Variants in PPFIA2 observed in about 807,000 individuals in gnomAD.
PPFIA2 encodes the protein liprin-alpha-2.
PPFIA2 carries 46 observed loss-of-function variants against 175.5 expected under a neutral mutation model. The ratio of observed to expected loss-of-function variants is 0.26; its 90% confidence interval spans 0.21 to 0.34. PPFIA2 has a LOEUF of 0.34. Ranked by LOEUF, PPFIA2 falls within the 10% of genes least tolerant of loss-of-function variation. PPFIA2 has a pLI of 1.00. For missense variants in PPFIA2, 1,179 were observed against 1,506.1 expected, an observed-to-expected ratio of 0.78 and a Z score of 3.60; for synonymous variants, 568 against 511.4, an observed-to-expected ratio of 1.11 and a Z score of -1.49.
chr12:81,608,427 G>C (rs2060554270), intron 4 of PPFIA2, among the ~76,000 whole-genome samples: 1 of 151,928 alleles, frequency 6.6e-6, no homozygotes, highest in African/African-American at 2.4e-5. Flanking sequence ...CTGGTCCAGG[G>C]CTTTTTTGAT....
At position 81,478,543 on chromosome 12, in the gene PPFIA2, T is replaced by G. The variant is rs191905742; in HGVS notation, c.304-20677A>C. 6.6e-5 allele frequency among the ~76,000 whole-genome samples: 10 copies of G among 152,338 alleles called. No homozygotes were observed. In the East Asian group the frequency reaches 1.4e-3, roughly 21 times the overall value. ...ATTTTAGATCTTTCCTGCTTTCTCC[T>G]GTGGACATTTAATGCTATAAATTTC... On this transcript the variant is annotated intron_variant, in intron 4 of 32. Coordinates refer to ENST00000549396, the MANE Select transcript of PPFIA2 (RefSeq NM_003625.5).
At position 81,281,238 on chromosome 12, in the gene PPFIA2, AAAAAG is replaced by A; in HGVS notation, c.3212+14_3212+18del. On this transcript the variant is annotated intron_variant, in intron 27 of 32. Transcript: ENST00000549396. ...TCATTTTAATTATTCTTTGGGGAAA[AAAAAG>A]AAAAAACACCTACCGATGGAAACTA... 1 of 1,517,688 alleles carries A rather than the reference AAAAAG, an allele frequency of 6.6e-7. No homozygotes were observed. The highest frequency in any genetic ancestry group is 8.9e-7 in the Non-Finnish European group (1 of 1,127,272). 94.0% of individuals were successfully genotyped at this position (1,517,688 alleles called of 1,614,324 possible). A position where few individuals can be genotyped will look rare whatever the true frequency, so the allele number is the denominator to read the frequency against.
chr12:81,385,597 A>C (rs1458187959), intron 8 of PPFIA2, among the ~76,000 whole-genome samples: 1 of 152,146 alleles, frequency 6.6e-6, no homozygotes, highest in Admixed American at 6.6e-5. Flanking sequence ...TAAGTGAAAT[A>C]AGCCAGGCAC....
chr12:81,720,100 T>C (rs1323419001), intron 3 of PPFIA2, among the ~76,000 whole-genome samples: 1 of 151,494 alleles, frequency 6.6e-6, no homozygotes. Flanking sequence ...AGAGGTCAAG[T>C]GTAAATTCTT....
intron 4 of PPFIA2, among the ~76,000 whole-genome samples, chr12:81,642,766 A>ATGTATATATTATATACATACG (rs2065385166): frequency 2.4e-4 from 1 of 4,182 alleles, no homozygotes; most frequent in African/African-American, 8.7e-4. Flanking sequence ...ATACATGTAT[A>ATGTATATATTATATACATACG]TGTATGTATG....
At chr12:81,694,594 T>G (rs2153592795) in intron 3 of PPFIA2, among the ~76,000 whole-genome samples, 1 of 152,198 alleles carries the variant, frequency 6.6e-6, no homozygotes, top group East Asian at 1.9e-4. Flanking sequence ...AAAAGCCTGC[T>G]GCAGGGGCAG....
chr12:81,450,075 T>A (rs112717362), intron 5 of PPFIA2, among the ~76,000 whole-genome samples: 23,265 of 152,076 alleles, frequency 0.15, 2,610 homozygotes, highest in East Asian at 0.41. Flanking sequence ...GTCTTTGGTA[T>A]TGTGAATAGT....
chr12:81,531,946 A>G (rs1018042792), intron 4 of PPFIA2, among the ~76,000 whole-genome samples: 1 of 151,860 alleles, frequency 6.6e-6, no homozygotes, highest in Non-Finnish European at 1.5e-5. Context: ...TTAATTTGAT[A>G]TTAATTAGAA....
intron 4 of PPFIA2, chr12:81,465,117 ATC>A (rs1273260338): frequency 6.6e-6 from 1 of 152,138 alleles, no homozygotes; most frequent in East Asian, 1.9e-4. Context: ...CTCCAGAGAA[ATC>A]TCTGACAATG....
chr12:81,489,762 T>C (rs555165190), intron 4 of PPFIA2, among the ~76,000 whole-genome samples: 1 of 152,034 alleles, frequency 6.6e-6, no homozygotes, highest in South Asian at 2.1e-4. Flanking sequence ...ATTTGTTATT[T>C]GAAATGTGTC....
At chr12:81,364,356 T>C (rs538491880) in intron 14 of PPFIA2, among the ~76,000 whole-genome samples, 1 of 151,836 alleles carries the variant, frequency 6.6e-6, no homozygotes, top group South Asian at 2.1e-4. Flanking sequence ...TAGGCAACAA[T>C]TGAAGGATTT....
At chr12:81,705,382 G>A (rs1256182597) in intron 3 of PPFIA2, among the ~76,000 whole-genome samples, 1 of 150,532 alleles carries the variant, frequency 6.6e-6, no homozygotes, top group African/African-American at 2.4e-5. Flanking sequence ...CATGAACCTG[G>A]GAGGCGGAGC....
At chr12:81,507,555 CT>C (rs2061314585) in intron 4 of PPFIA2, among the ~76,000 whole-genome samples, 1 of 152,144 alleles carries the variant, frequency 6.6e-6, no homozygotes, top group African/African-American at 2.4e-5. Flanking sequence ...ATTAGCTCCT[CT>C]CTTTTATTTT....
At chr12:81,301,270 G>A (rs180777526) in intron 22 of PPFIA2, among the ~76,000 whole-genome samples, 4 of 152,038 alleles carry the variant, frequency 2.6e-5, no homozygotes, top group African/African-American at 9.7e-5. Context: ...GAGTTTTAAT[G>A]TTACATCCAA....
intron 7 of PPFIA2, among the ~76,000 whole-genome samples, chr12:81,410,817 A>G (rs1471109874): frequency 1.3e-5 from 2 of 152,148 alleles, no homozygotes; most frequent in Non-Finnish European, 2.9e-5. Flanking sequence ...CTCTCTATCT[A>G]CTAAGGAAGG....
At chr12:81,293,310 T>C (rs1594091887) in intron 24 of PPFIA2, among the ~76,000 whole-genome samples, 1 of 152,036 alleles carries the variant, frequency 6.6e-6, no homozygotes, top group East Asian at 1.9e-4. Flanking sequence ...CATGCATGCC[T>C]TTTTTGTCAC....
chr12:81,747,821 T>C (rs1387408003), intron 3 of PPFIA2, among the ~76,000 whole-genome samples: 1 of 144,096 alleles, frequency 6.9e-6, no homozygotes, highest in Non-Finnish European at 1.6e-5. Flanking sequence ...TAGTTTGAAT[T>C]TTAGAATGTC....
chr12:81,663,929 G>T (rs2069524684), intron 4 of PPFIA2, among the ~76,000 whole-genome samples: 1 of 152,142 alleles, frequency 6.6e-6, no homozygotes, highest in Admixed American at 6.5e-5. Context: ...ACAAAAACAA[G>T]AAATGGGGAA....
intron 4 of PPFIA2, among the ~76,000 whole-genome samples, chr12:81,496,584 T>C (rs536888265): frequency 1.3e-4 from 20 of 152,200 alleles, no homozygotes; most frequent in African/African-American, 4.8e-4. Context: ...ATGAGGTAAA[T>C]GTGGCAAAAC....
Sources: gnomAD v4.1 joint callset for allele counts (sites outside exome capture counted in the v4.1 genomes callset) on GRCh38, gnomAD v4.1.1 for gene constraint, MANE v1.5 for transcripts, NCBI Gene and HGNC (gene_info 2026-07-23, HGNC 2026-07-21) for gene names.